DNAI3: variants seen among roughly 807,000 people sequenced by gnomAD.
DNAI3 encodes dynein axonemal intermediate chain 3, also known as WD repeat domain 63.
In DNAI3, 83 loss-of-function variants were observed where a neutral mutation model predicts 115.5. That is an observed-to-expected ratio of 0.72 (90% CI 0.60 to 0.86). The LOEUF is 0.86. Among genes scored for constraint, DNAI3 ranks in the 40% least tolerant of loss-of-function variants. DNAI3 has a pLI of 0.00. For synonymous variants in DNAI3, 320 were observed against 347.0 expected, an observed-to-expected ratio of 0.92 and a Z score of 0.86; for missense variants, 1,004 against 1,075.8, an observed-to-expected ratio of 0.93 and a Z score of 0.93.
At chr1:85,126,891 C>T (rs1656161093) in intron 20 of DNAI3, among the ~76,000 whole-genome samples, 176 bp downstream of exon 20, 1 of 151,870 alleles carries the variant, frequency 6.6e-6, no homozygotes, top group Admixed American at 6.6e-5. Flanking sequence ...CTTCCCTTTC[C>T]TTCCCATCTT....
rs1655101433 is a variant in DNAI3, at chr1:85,095,631, G to C, written c.1174-300G>C. Among the ~76,000 whole-genome samples, 3 of 152,072 alleles carry C rather than the reference G, an allele frequency of 2.0e-5. No homozygotes were observed. In the South Asian group the frequency reaches 6.2e-4, roughly 32 times the overall value. On this transcript the variant is annotated intron_variant, in intron 10 of 22. Coordinates refer to ENST00000294664, the MANE Select transcript of DNAI3 (RefSeq NM_145172.5). Reference sequence around the variant, plus strand: ...GGAACACTAATTTCATAGTCTTTTTGTTATAAACATTGTAACATGCTCCCA... The same window carrying C: ...GGAACACTAATTTCATAGTCTTTTTCTTATAAACATTGTAACATGCTCCCA...
At chr1:85,124,297 A>G in intron 19 of DNAI3, 46 bp downstream of exon 19, 1 of 1,613,916 alleles carries the variant, frequency 6.2e-7, no homozygotes, top group Non-Finnish European at 8.5e-7. Flanking sequence ...ATCTTTTGTT[A>G]TTCAGAAAGA....
At chr1:85,098,247 G>A (rs948406254) in intron 12 of DNAI3, among the ~76,000 whole-genome samples, 1 of 152,048 alleles carries the variant, frequency 6.6e-6, no homozygotes, top group Non-Finnish European at 1.5e-5. Context: ...GCCTTCTATA[G>A]GCACAAAGAA....
Position 85,101,172 on chromosome 1 carries a change from A to C in DNAI3, c.1479+2514A>C, listed in dbSNP as rs577071114. On this transcript the variant is annotated intron_variant, in intron 13 of 22. Coordinates refer to ENST00000294664, the MANE Select transcript of DNAI3 (RefSeq NM_145172.5). ...ATAGCACTTGAACATAAAAAAAAGA[A>C]TATTCTGAGAAATTAGAGTTGTAAG... Among the ~76,000 whole-genome samples the C allele has an allele frequency of 2.0e-5, 3 of 152,270 alleles. No homozygotes were observed. In the South Asian group the frequency reaches 6.2e-4, roughly 32 times the overall value.
intron 1 of DNAI3, among the ~76,000 whole-genome samples, chr1:85,065,769 AAG>A (rs751732858): frequency 6.6e-6 from 1 of 152,232 alleles, no homozygotes; most frequent in Non-Finnish European, 1.5e-5. Flanking sequence ...GAATAAAGTG[AAG>A]AGAGGAGATT....
At chr1:85,103,391 T>C (rs1313198167) in intron 13 of DNAI3, among the ~76,000 whole-genome samples, 1 of 152,032 alleles carries the variant, frequency 6.6e-6, no homozygotes, top group Non-Finnish European at 1.5e-5. Flanking sequence ...AAAGGTCAGG[T>C]CTTACAACAG....
chr1:85,124,838 T>C (rs921969977), intron 19 of DNAI3, among the ~76,000 whole-genome samples: 20 of 152,170 alleles, frequency 1.3e-4, no homozygotes, highest in Non-Finnish European at 2.8e-4. Context: ...GAACTTGACT[T>C]GCATTTTTCC....
intron 15 of DNAI3, among the ~76,000 whole-genome samples, chr1:85,109,601 G>A (rs1207689445): frequency 6.6e-6 from 1 of 152,178 alleles, no homozygotes; most frequent in Admixed American, 6.5e-5. Flanking sequence ...CAGGCCCAGG[G>A]CCTTCTGGAA....
Position 85,090,151 on chromosome 1 carries a change from C to A in DNAI3, c.776C>A (p.Pro259Gln). The A allele has an allele frequency of 6.3e-7, 1 of 1,585,360 alleles. No homozygotes were observed. The highest frequency in any genetic ancestry group is 1.2e-5 in the South Asian group (1 of 82,800). Residue 259 changes from proline (P) to glutamine (Q), a missense_variant, in exon 8 of 23, where the codon CCA (proline) becomes CAA (glutamine). Pro to Gln is a moderately conservative substitution (Grantham distance 76). Around this residue, in one of 3 missense-constraint regions of DNAI3, gnomAD observed 550 missense variants for 568.1 expected, o/e 0.97. Transcript: ENST00000294664. ...YPKNATTQYY[P>Q]REFSEEEKET... ...AAAAATGCTACTACGCAATATTATC[C>A]AAGAGAATTCTCAGAAGAGGAAAAA...
At chr1:85,076,484 C>G (rs745503823) in intron 3 of DNAI3, among the ~76,000 whole-genome samples, 1 of 152,224 alleles carries the variant, frequency 6.6e-6, no homozygotes, top group Non-Finnish European at 1.5e-5. Context: ...TAAAGACATA[C>G]CTGAGACTGG....
At chr1:85,119,598 T>C (rs1190312924) in intron 17 of DNAI3, among the ~76,000 whole-genome samples, 1 of 152,176 alleles carries the variant, frequency 6.6e-6, no homozygotes, top group Admixed American at 6.5e-5. Flanking sequence ...AAATCCAGAC[T>C]CTTCACACCA....
rs74918933 is a variant in DNAI3, at chr1:85,078,412, G to A, written c.104-2822G>A. 3.6e-3 allele frequency among the ~76,000 whole-genome samples: 550 copies of A among 152,344 alleles called. 6 individuals carry two copies. Among genetic ancestry groups the A allele is most frequent in the African/African-American group, 0.012 (514 of 41,580 alleles). On this transcript the variant is annotated intron_variant, in intron 3 of 22. Coordinates refer to ENST00000294664, the MANE Select transcript of DNAI3 (RefSeq NM_145172.5). ...GTAGGTGCACCATGGAAGTGCCCTC[G>A]CAGACATTGTCCTTGTGATTGGCAC...
rs145165915 is a variant in DNAI3, at chr1:85,132,996, T to TAA, written c.*3_*4dup. ...TEKGSYMEVM[*] is the part of the protein sequence containing the mutation. The stretch of plus-strand genomic sequence containing the variant: ...GAAGGGGTCATACATGGAGGTGATG[T>TAA]AAAAAAGCTTCCTGAAGGGGTGTTT... Residue 892 remains the stop codon, a frameshift_variant and stop_retained_variant, in exon 23 of 23, where the codon TAA becomes TAAAA. Coordinates refer to ENST00000294664, the MANE Select transcript of DNAI3 (RefSeq NM_145172.5). LOFTEE classifies it high-confidence loss of function. 7 of 1,607,158 alleles carry TAA rather than the reference T, an allele frequency of 4.4e-6. No individual in the cohort carries two copies. Among genetic ancestry groups the TAA allele is most frequent in the Non-Finnish European group, 5.9e-6 (7 of 1,178,206 alleles).
intron 16 of DNAI3, among the ~76,000 whole-genome samples, chr1:85,110,460 A>AATAAATAAATAT: frequency 6.7e-6 from 1 of 150,008 alleles, no homozygotes; most frequent in Non-Finnish European, 1.5e-5. Context: ...CAAATAAATA[A>AATAAATAAATAT]ATAAATAAAT....
At position 85,110,094 on chromosome 1, in the gene DNAI3, A is replaced by G. The variant is rs1299969432; in HGVS notation, c.1745A>G (p.Lys582Arg). Residue 582 changes from lysine (K) to arginine (R), a missense_variant, in exon 16 of 23, where the codon AAG (lysine) becomes AGG (arginine). Physicochemically the swap from Lys to Arg is conservative, Grantham distance 26. Around this residue, in one of 3 missense-constraint regions of DNAI3, gnomAD observed 429 missense variants for 454.3 expected, o/e 0.94. Transcript: ENST00000294664. ...ACAAGTTTAGACCACTGTCCAACCA[A>G]GATAAGCCTGAATGAAGACCATCTT... Reference protein sequence around the residue: ...GETSLDHCPTKISLNEDHLLC... With the variant: ...GETSLDHCPTRISLNEDHLLC... The G allele has an allele frequency of 6.2e-7, 1 of 1,613,768 alleles. No individual in the cohort carries two copies. The highest frequency in any genetic ancestry group is 1.7e-5 in the Admixed American group (1 of 59,996).
chr1:85,091,046 C>T (rs1364123171), intron 8 of DNAI3, among the ~76,000 whole-genome samples: 1 of 152,104 alleles, frequency 6.6e-6, no homozygotes, highest in Non-Finnish European at 1.5e-5. Context: ...GTTACTTATG[C>T]CTAGGGAGAC....
chr1:85,110,338 C>A (rs1410370254), intron 16 of DNAI3, among the ~76,000 whole-genome samples: 3 of 151,626 alleles, frequency 2.0e-5, no homozygotes, highest in Non-Finnish European at 2.9e-5. Context: ...GTAGTCCCAG[C>A]TATCCCGGAG....
chr1:85,097,685 G>T, intron 12 of DNAI3, 30 bp downstream of exon 12: 1 of 1,583,508 alleles, frequency 6.3e-7, no homozygotes, highest in Non-Finnish European at 8.6e-7. Flanking sequence ...TCACTTGCAA[G>T]TTTTTTCCAT....
chr1:85,107,830 A>G (rs1046666859), intron 14 of DNAI3, among the ~76,000 whole-genome samples: 8 of 152,204 alleles, frequency 5.3e-5, no homozygotes, highest in African/African-American at 1.9e-4. Flanking sequence ...TAGTCCCAAG[A>G]TGAGGGAGGC....
Sources: allele counts gnomAD v4.1 joint callset (sites outside exome capture counted in the v4.1 genomes callset), GRCh38; gene constraint gnomAD v4.1.1; regional missense constraint gnomAD v4.1.1; transcripts MANE v1.5; gene names NCBI Gene and HGNC (gene_info 2026-07-23, HGNC 2026-07-21).